The following GMPR2 variants were observed in gnomAD, a reference collection of about 807,000 sequenced individuals.
GMPR2 encodes guanosine monophosphate reductase 2, also known as GMP reductase 2.
Under a neutral mutation model 38.5 loss-of-function variants are expected in GMPR2, and 32 were observed. The observed-to-expected ratio is 0.83, with a 90% CI of 0.63 to 1.12. GMPR2 has a LOEUF of 1.12. Ranked by LOEUF, GMPR2 falls within the 50% of genes most tolerant of loss-of-function variation. GMPR2 has a pLI of 0.00. For synonymous variants in GMPR2, 154 were observed against 151.0 expected (o/e 1.02, Z -0.15); for missense variants, 396 against 432.1 (o/e 0.92, Z 0.74).
rs1163078739 is a variant in GMPR2 at position 24,232,984 on chromosome 14, A to T, written c.-36+7A>T. 11 of 584,086 alleles carry T rather than the reference A, an allele frequency of 1.9e-5. No homozygotes were observed. Among genetic ancestry groups the T allele is most frequent in the Non-Finnish European group, 3.1e-5 (10 of 326,434 alleles). The allele number at this position is 584,086 out of a possible 1,614,324, so 36.2% of individuals were successfully genotyped here. ...AAGAAGGAAGTGTAGCGGGGTAAGG[A>T]ATGCACCGTCAGGGTCTCTCACAAC... is the stretch of plus-strand genomic sequence containing the variant. On this transcript the variant is annotated splice_region_variant and intron_variant, in intron 1 of 9. Coordinates refer to ENST00000399440, the MANE Select transcript of GMPR2 (RefSeq NM_001002002.3).
At chr14:24,237,745 TGTG>T (rs1566684256) in intron 8 of GMPR2, 183 bp downstream of exon 8, 1 of 631,838 alleles carries the variant, frequency 1.6e-6, no homozygotes, top group Non-Finnish European at 2.8e-6. Context: ...AGACTCCAAG[TGTG>T]GGCCAGGGCC....
intron 3 of GMPR2, 108 bp from the exon 4 acceptor site, chr14:24,235,629 C>G: frequency 1.3e-6 from 1 of 788,816 alleles, no homozygotes; most frequent in Non-Finnish European, 2.2e-6. Flanking sequence ...TGACTTGTTT[C>G]CTCCCCAACT....
intron 2 of GMPR2, 58 bp from the exon 3 acceptor site, chr14:24,233,421 C>T: frequency 1.2e-6 from 2 of 1,609,050 alleles, no homozygotes; most frequent in Admixed American, 1.7e-5. Context: ...TGTCCTTGTC[C>T]TAATATGGTA....
At chr14:24,236,867 C>T in intron 5 of GMPR2, 2 of 530,618 alleles carry the variant, frequency 3.8e-6, no homozygotes, top group Non-Finnish European at 6.8e-6. Context: ...TCACTCCTAC[C>T]TTGGCTTGGT....
chr14:24,233,406 AT>A, intron 2 of GMPR2, 66 bp downstream of exon 2: 2 of 1,609,172 alleles, frequency 1.2e-6, no homozygotes, highest in Non-Finnish European at 1.7e-6. Flanking sequence ...ACCAAGAAAG[AT>A]GCCTGTCCTT....
In GMPR2 at chr14:24,236,661, T is replaced by C. The variant is rs139562549; in HGVS notation, c.466-410T>C. Among the ~76,000 whole-genome samples the C allele has an allele frequency of 5.2e-3, 789 of 152,260 alleles. 13 individuals carry two copies. Among genetic ancestry groups the C allele is most frequent in the African/African-American group, 0.018 (731 of 41,544 alleles). Reference sequence around the variant, plus strand: ...GACAGAATGGCTTAAGGACAGAATATGTTTGGGTCTCTTGAGGAAGGGGAG... The same window carrying C: ...GACAGAATGGCTTAAGGACAGAATACGTTTGGGTCTCTTGAGGAAGGGGAG... On this transcript the variant is annotated intron_variant, in intron 5 of 9. Transcript: ENST00000399440.
At chr14:24,234,256 G>A (rs1566678421) in intron 3 of GMPR2, 1 of 1,287,904 alleles carries the variant, frequency 7.8e-7, no homozygotes, top group African/African-American at 1.5e-5. Context: ...AGAGTTATCT[G>A]GGCACTTTGA....
chr14:24,234,206 G>A (rs1341686483), intron 3 of GMPR2: 2 of 1,289,366 alleles, frequency 1.6e-6, no homozygotes, highest in Non-Finnish European at 2.0e-6. Context: ...GCTCCTGTCA[G>A]TACTATTACC....
At chr14:24,238,538 G>A in intron 9 of GMPR2, 51 bp from the exon 10 acceptor site, 2 of 1,613,954 alleles carry the variant, frequency 1.2e-6, no homozygotes, top group Non-Finnish European at 1.7e-6. Context: ...AAAAGTCCCT[G>A]GGCTTAAGGA....
In GMPR2 at chr14:24,237,355, A is replaced by C; in HGVS notation, c.654+4A>C. The C allele has an allele frequency of 6.4e-7, 1 of 1,574,758 alleles. No homozygotes were observed. Among genetic ancestry groups the C allele is most frequent in the Non-Finnish European group, 8.7e-7 (1 of 1,144,230 alleles). On this transcript the variant is annotated splice_donor_region_variant and intron_variant, in intron 7 of 9. Transcript: ENST00000399440. ...CCTCAAAGGCCACATCATTTCAGTA[A>C]GGCTCAAGGGCAGGGTAGGGTATGA...
chr14:24,238,261 TC>T lies in GMPR2; in HGVS notation c.714del (p.Phe238LeufsTer2). On this transcript the variant is annotated frameshift_variant, in exon 9 of 10. Transcript: ENST00000399440. LOFTEE classifies it high-confidence loss of function. ...VAKAFGAGAD[F>X]VMLGGMLAGH... ...ATGGTGGCAGGGGCAGGAGCTGACTTCGTGATGCTGGGTGGCATGCTGGCTG... is the reference window on the plus strand; with the variant it reads ...ATGGTGGCAGGGGCAGGAGCTGACTTGTGATGCTGGGTGGCATGCTGGCTG... 1 of 1,611,836 alleles carries T rather than the reference TC, an allele frequency of 6.2e-7. No homozygotes were observed. The highest frequency in any genetic ancestry group is 8.5e-7 in the Non-Finnish European group (1 of 1,178,628).
At chr14:24,234,503 C>T (rs948537560) in intron 3 of GMPR2, among the ~76,000 whole-genome samples, 2 of 152,192 alleles carry the variant, frequency 1.3e-5, no homozygotes, top group African/African-American at 4.8e-5. Context: ...TGTCCATCTG[C>T]CCTGACCAGT....
In GMPR2 at chr14:24,235,839, T is replaced by C; in HGVS notation, c.291+19T>C. On this transcript the variant is annotated intron_variant, in intron 4 of 9. Transcript: ENST00000399440. Reference sequence around the variant, plus strand: ...TCTTGAGGTAACACTGGGCATACCCTGCTCCCTTCCTTATCCCAGTTTTCC... The same window carrying C: ...TCTTGAGGTAACACTGGGCATACCCCGCTCCCTTCCTTATCCCAGTTTTCC... 1 of 1,603,138 alleles carries C rather than the reference T, an allele frequency of 6.2e-7. No homozygotes were observed. The highest frequency in any genetic ancestry group is 8.5e-7 in the Non-Finnish European group (1 of 1,169,898).
intron 5 of GMPR2, chr14:24,236,861 T>G: frequency 3.8e-6 from 2 of 525,126 alleles, no homozygotes; most frequent in South Asian, 4.7e-5. Flanking sequence ...GGCCACTCAC[T>G]CCTACCTTGG....
chr14:24,238,131 G>A, intron 8 of GMPR2, 115 bp from the exon 9 acceptor site: 1 of 936,378 alleles, frequency 1.1e-6, no homozygotes, highest in Non-Finnish European at 1.6e-6. Flanking sequence ...AGCAGAAGGA[G>A]GAAGACGCTG....
intron 5 of GMPR2, 127 bp downstream of exon 5, chr14:24,236,267 T>A: frequency 2.7e-6 from 2 of 739,944 alleles, no homozygotes; most frequent in East Asian, 4.9e-5. Flanking sequence ...TGATACTGGA[T>A]GATTATCCAT....
chr14:24,235,796 T>C lies in GMPR2; in HGVS notation c.267T>C (p.Ala89=), dbSNP rs985362722. ...GCCTCGTTCAGTGGCAAGAGTTTGC[T>C]GGCCAGAATCCTGACTGTCTTGAGG... ...HYSLVQWQEF[A]GQNPDCLEHL... The change falls in exon 4 of 10, where the codon GCT becomes GCC. Residue 89 remains alanine (A), a synonymous_variant. Coordinates refer to ENST00000399440, the MANE Select transcript of GMPR2 (RefSeq NM_001002002.3). The C allele has an allele frequency of 1.2e-6, 2 of 1,613,540 alleles. No individual in the cohort carries two copies. The highest frequency in any genetic ancestry group is 2.7e-5 in the African/African-American group (2 of 74,938).
chr14:24,234,163 A>G (rs961405096), intron 3 of GMPR2: 6 of 1,288,984 alleles, frequency 4.7e-6, no homozygotes, highest in Non-Finnish European at 6.1e-6. Context: ...TTTTTCTTAT[A>G]TACAAGTTGT....
rs1296915173 is a variant in GMPR2 at position 24,238,965 on chromosome 14, C to A, written c.*187C>A. The A allele has an allele frequency of 2.9e-6, 2 of 680,228 alleles. No homozygotes were observed. Among genetic ancestry groups the A allele is most frequent in the Non-Finnish European group, 5.4e-6 (2 of 372,176 alleles). 42.1% of individuals were successfully genotyped at this position (680,228 alleles called of 1,614,324 possible). A position where few individuals can be genotyped will look rare whatever the true frequency, so the allele number is the denominator to read the frequency against. ...ACACACAAAATGCCCAAGGCACTCACTGGGGAGGAAGCAAGGAAGCAAACA... is the reference window on the plus strand; with the variant it reads ...ACACACAAAATGCCCAAGGCACTCAATGGGGAGGAAGCAAGGAAGCAAACA... On this transcript the variant is annotated 3_prime_UTR_variant, in exon 10 of 10. Transcript: ENST00000399440.
Sources: gnomAD v4.1 joint callset for allele counts (sites outside exome capture counted in the v4.1 genomes callset) on GRCh38, gnomAD v4.1.1 for gene constraint, MANE v1.5 for transcripts, NCBI Gene and HGNC (gene_info 2026-07-23, HGNC 2026-07-21) for gene names.